PRR36: variants seen among roughly 807,000 people sequenced by gnomAD.
PRR36 encodes the protein proline-rich protein 36.
A neutral mutation model predicts 58.6 loss-of-function variants in PRR36; 30 were observed. The ratio of observed to expected loss-of-function variants is 0.51; its 90% CI spans 0.38 to 0.69. The LOEUF (loss-of-function observed/expected upper bound fraction) is 0.69. Ranked by LOEUF, PRR36 falls within the 30% of genes least tolerant of loss-of-function variation. The pLI is 0.00. For missense variants in PRR36, 1,692 were observed against 1,805.6 expected (o/e 0.94, Z 1.14); for synonymous variants, 771 against 829.3 (o/e 0.93, Z 1.21).
rs1172422185 is a variant in PRR36, at chr19:7,872,069, G to T, written c.1175C>A (p.Thr392Lys). ...SLQTLPSPPATPPSQVPPTQL... is the reference protein window; with the variant it reads ...SLQTLPSPPAKPPSQVPPTQL... The stretch of plus-strand genomic sequence containing the variant: ...TGTGGGTGGAACTTGCGAGGGGGGC[G>T]TGGCTGGTGGAGAGGGGAGGGTCTG... Residue 392 changes from threonine to lysine, a missense_variant, in exon 5 of 6, where the codon ACG (threonine) becomes AAG (lysine). Physicochemically the swap from Thr to Lys is moderately conservative, Grantham distance 78. Around this residue, in one of 5 missense-constraint regions of PRR36, gnomAD observed 975 missense variants for 955.2 expected, o/e 1.02. Transcript: ENST00000618550. This position sits in a 1 kb window ranked among gnomAD's most constrained non-coding sequence, Gnocchi z 6.1. 1 of 1,535,592 alleles carries T rather than the reference G, an allele frequency of 6.5e-7. No individual in the cohort carries two copies. Among genetic ancestry groups the T allele is most frequent in the Admixed American group, 2.0e-5 (1 of 50,956 alleles).
rs977662410 is a variant in PRR36 at position 7,869,079 on chromosome 19, G to A, written c.3995C>T (p.Ser1332Phe). Residue 1332 changes from serine to phenylalanine, a missense_variant, in exon 6 of 6, where the codon TCC becomes TTC. By Grantham distance (155) the Ser-to-Phe change is radical. Coordinates refer to ENST00000618550, the MANE Select transcript of PRR36 (RefSeq NM_001190467.2). ...CACCACGGTCCAGTCACCCTGCGGG[G>A]AGGCCACGTCGTCCGGAGAGAAGCT... is the stretch of plus-strand genomic sequence containing the variant. The part of the protein sequence containing the change: ...VTSFSPDDVA[S>F]PQGDWTVVEV... The A allele has an allele frequency of 3.3e-6, 5 of 1,534,606 alleles. No individual in the cohort carries two copies. The highest frequency in any genetic ancestry group is 4.4e-6 in the Non-Finnish European group (5 of 1,146,342).
At position 7,872,117 on chromosome 19, in the gene PRR36, G is replaced by A. The variant is rs1233499676; in HGVS notation, c.1127C>T (p.Ser376Phe). 6.5e-7 allele frequency: 1 copy of A among 1,526,942 alleles called. No individual in the cohort carries two copies. Among genetic ancestry groups the A allele is most frequent in the Admixed American group, 2.0e-5 (1 of 50,228 alleles). The allele number at this position is 1,526,942 out of a possible 1,614,324, so 94.6% of individuals were successfully genotyped here. A position where few individuals can be genotyped will look rare whatever the true frequency, so the allele number is the denominator to read the frequency against. Reference sequence around the variant, plus strand: ...CTGCAGAGAAGGTGGAGCAGAGGGAGAAGGAGGGGCTAGAGGAAGGGGCGT... The same window carrying A: ...CTGCAGAGAAGGTGGAGCAGAGGGAAAAGGAGGGGCTAGAGGAAGGGGCGT... ...LATPLPLAPPSPSAPPSLQTL... is the reference protein window; with the variant it reads ...LATPLPLAPPFPSAPPSLQTL... The change falls in exon 5 of 6, where the codon TCT becomes TTT. Residue 376 changes from serine (S) to phenylalanine (F), a missense_variant. Coordinates refer to ENST00000618550, the MANE Select transcript of PRR36 (RefSeq NM_001190467.2). The surrounding 1 kb of genome is among the most constrained non-coding windows in gnomAD (Gnocchi z 6.1).
Position 7,872,940 on chromosome 19 carries a change from C to T in PRR36, c.396G>A (p.Lys132=). 1 of 1,536,060 alleles carries T rather than the reference C, an allele frequency of 6.5e-7. No homozygotes were observed. The highest frequency in any genetic ancestry group is 1.4e-5 in the African/African-American group (1 of 73,172). The change falls in exon 4 of 6, where the codon AAG becomes AAA. Residue 132 remains lysine, a synonymous_variant. Transcript: ENST00000618550. The surrounding 1 kb of genome is among the most constrained non-coding windows in gnomAD (Gnocchi z 6.1). ...GTTRPGPLGQ[K]GLRISAEETV... The stretch of plus-strand genomic sequence containing the variant: ...TTTCCTCCGCTGAGATCCGGAGTCC[C>T]TTCTGGCCAAGAGGGCCTGGCCTGG...
rs1008374342 is a variant in PRR36 at position 7,873,952 on chromosome 19, C to G, written c.-7-256G>C. The stretch of plus-strand genomic sequence containing the variant: ...GGCCCTGCCCGCCCCAGCCCACCGC[C>G]TCCCCCGCCTCGGCTCCAATTCAGG... On this transcript the variant is annotated intron_variant, in intron 1 of 5. Coordinates refer to ENST00000618550, the MANE Select transcript of PRR36 (RefSeq NM_001190467.2). This position sits in a 1 kb window ranked among gnomAD's most constrained non-coding sequence, Gnocchi z 5.0. 6.6e-6 allele frequency among the ~76,000 whole-genome samples: 1 copy of G among 152,034 alleles called. No homozygotes were observed. The highest frequency in any genetic ancestry group is 2.4e-5 in the African/African-American group (1 of 41,396).
chr19:7,873,483 A>C lies in PRR36; in HGVS notation c.207T>G (p.Thr69=). ...AERAGGIGGA[T]IPESAPRAGP... Reference sequence around the variant, plus strand: ...CCGCTCGGGGAGCAGACTCGGGAATAGTGGCCCCGCCGATGCCCCCCGCTC... The same window carrying C: ...CCGCTCGGGGAGCAGACTCGGGAATCGTGGCCCCGCCGATGCCCCCCGCTC... Residue 69 remains threonine (T), a synonymous_variant, in exon 2 of 6, where the codon ACT becomes ACG. Transcript: ENST00000618550. The surrounding 1 kb of genome is among the most constrained non-coding windows in gnomAD (Gnocchi z 5.0). 6.5e-7 allele frequency: 1 copy of C among 1,534,996 alleles called. No individual in the cohort carries two copies. The highest frequency in any genetic ancestry group is 8.7e-7 in the Non-Finnish European group (1 of 1,146,760).
Position 7,870,616 on chromosome 19 carries a change from AT to A in PRR36, c.2627del (p.Asn876MetfsTer46). 1 of 1,072,076 alleles carries A rather than the reference AT, an allele frequency of 9.3e-7. No homozygotes were observed. Among genetic ancestry groups the A allele is most frequent in the Non-Finnish European group, 1.1e-6 (1 of 886,758 alleles). 66.4% of individuals were successfully genotyped at this position (1,072,076 alleles called of 1,614,324 possible). On this transcript the variant is annotated frameshift_variant, in exon 5 of 6. Coordinates refer to ENST00000618550, the MANE Select transcript of PRR36 (RefSeq NM_001190467.2). LOFTEE classifies it high-confidence loss of function. ...PLATPSPQAP[N>X]ALAVHLLQAP... ...CCTGCAGAAGGTGCACTGCCAGAGCATTTGGGGCCTGTGGAGAGGGTGTGGC... is the reference window on the plus strand; with the variant it reads ...CCTGCAGAAGGTGCACTGCCAGAGCATTGGGGCCTGTGGAGAGGGTGTGGC...
rs1270226852 is a variant in PRR36 at position 7,870,652 on chromosome 19, CAGAG to C, written c.2588_2591del (p.Pro863ArgfsTer58). The stretch of plus-strand genomic sequence containing the variant: ...GTGGAGAGGGTGTGGCCAAAGGAGA[CAGAG>C]GGGGTGAGGCAGGGGGAGAGGGAGG... On this transcript the variant is annotated frameshift_variant, in exon 5 of 6. Transcript: ENST00000618550. LOFTEE classifies it high-confidence loss of function. 1 of 1,330,312 alleles carries C rather than the reference CAGAG, an allele frequency of 7.5e-7. No homozygotes were observed. Among genetic ancestry groups the C allele is most frequent in the Non-Finnish European group, 9.5e-7 (1 of 1,047,882 alleles). 82.4% of individuals were successfully genotyped at this position (1,330,312 alleles called of 1,614,324 possible).
Position 7,869,496 on chromosome 19 carries a change from C to T in PRR36, c.3578G>A (p.Gly1193Asp), listed in dbSNP as rs1164937456. The T allele has an allele frequency of 1.3e-6, 2 of 1,520,292 alleles. No individual in the cohort carries two copies. The highest frequency in any genetic ancestry group is 2.6e-5 in the East Asian group (1 of 38,304). 94.2% of individuals were successfully genotyped at this position (1,520,292 alleles called of 1,614,324 possible). Residue 1193 changes from glycine (G) to aspartate (D), a missense_variant, in exon 6 of 6, where the codon GGT (glycine) becomes GAT (aspartate). This residue lies in a region of PRR36 where 485 missense variants were observed against 549.2 expected (regional missense o/e 0.88). Coordinates refer to ENST00000618550, the MANE Select transcript of PRR36 (RefSeq NM_001190467.2). ...PPATGPGSAD[G>D]LCTIYETEGP... is the part of the protein sequence containing the mutation. ...TTCAGTCTCGTAGATGGTGCACAGA[C>T]CGTCAGCAGAGCCCGGTCCGGTAGC...
chr19:7,869,962 C>G lies in PRR36; in HGVS notation c.3282G>C (p.Leu1094=). The G allele has an allele frequency of 7.2e-7, 1 of 1,381,366 alleles. No individual in the cohort carries two copies. Among genetic ancestry groups the G allele is most frequent in the South Asian group, 1.6e-5 (1 of 61,978 alleles). 85.6% of individuals were successfully genotyped at this position (1,381,366 alleles called of 1,614,324 possible). ...GPDTSVSGPR[L]TLALAPGPPP... ...GCGGGCCGGGGGCCAACGCCAGGGT[C>G]AGCCGTGGGCCCGAGACGGAGGTAT... Residue 1094 remains leucine, a synonymous_variant, in exon 5 of 6, where the codon CTG becomes CTC. Coordinates refer to ENST00000618550, the MANE Select transcript of PRR36 (RefSeq NM_001190467.2).
rs1246645810 is a variant in PRR36 at position 7,873,546 on chromosome 19, T to A, written c.144A>T (p.Gly48=). 6.5e-7 allele frequency: 1 copy of A among 1,534,424 alleles called. No homozygotes were observed. Among genetic ancestry groups the A allele is most frequent in the Non-Finnish European group, 8.7e-7 (1 of 1,146,622 alleles). The change falls in exon 2 of 6, where the codon GGA becomes GGT. Residue 48 remains glycine, a synonymous_variant. Coordinates refer to ENST00000618550, the MANE Select transcript of PRR36 (RefSeq NM_001190467.2). This position sits in a 1 kb window ranked among gnomAD's most constrained non-coding sequence, Gnocchi z 5.0. ...GCTTTCGCCCCACTGCTCCCGCAGC[T>A]CCCAGAACTCGGAGGGCTGCGGGAG... ...PVTPAALRVL[G]AAGAVGRKPL...
At position 7,871,813 on chromosome 19, in the gene PRR36, C is replaced by A. The variant is rs1475770126; in HGVS notation, c.1431G>T (p.Ser477=). ...PVSPATSLGN[S]AFPLAALPQP... ...GAGGGAGTGCGGCCAGGGGAAAAGCCGAATTCCCCAGAGATGTTGCCGGAG... is the reference window on the plus strand; with the variant it reads ...GAGGGAGTGCGGCCAGGGGAAAAGCAGAATTCCCCAGAGATGTTGCCGGAG... Residue 477 remains serine, a synonymous_variant, in exon 5 of 6, where the codon TCG becomes TCT. Coordinates refer to ENST00000618550, the MANE Select transcript of PRR36 (RefSeq NM_001190467.2). 25 of 1,535,246 alleles carry A rather than the reference C, an allele frequency of 1.6e-5. No homozygotes were observed. Among genetic ancestry groups the A allele is most frequent in the Non-Finnish European group, 2.1e-5 (24 of 1,146,746 alleles).
chr19:7,869,315 C>T lies in PRR36; in HGVS notation c.3759G>A (p.Gln1253=), dbSNP rs1980256442. 1.4e-6 allele frequency: 2 copies of T among 1,430,368 alleles called. No homozygotes were observed. Among genetic ancestry groups the T allele is most frequent in the South Asian group, 2.9e-5 (2 of 69,872 alleles). The allele number at this position is 1,430,368 out of a possible 1,614,324, so 88.6% of individuals were successfully genotyped here. A position where few individuals can be genotyped will look rare whatever the true frequency, so the allele number is the denominator to read the frequency against. The change falls in exon 6 of 6, where the codon CAG becomes CAA. Residue 1253 remains glutamine, a synonymous_variant. Coordinates refer to ENST00000618550, the MANE Select transcript of PRR36 (RefSeq NM_001190467.2). ...RLGELPLGAL[Q]ASVVQHLLSR... is the part of the protein sequence containing the mutation. ...TCAGCAGGTGCTGCACGACGCTCGC[C>T]TGCAGCGCCCCCAGTGGCAGCTCGC...
Position 7,870,926 on chromosome 19 carries a change from GC to G in PRR36, c.2317del (p.Ala773LeufsTer3). 32 of 1,396,868 alleles carry G rather than the reference GC, an allele frequency of 2.3e-5. No individual in the cohort carries two copies. Among genetic ancestry groups the G allele is most frequent in the East Asian group, 7.9e-5 (3 of 38,184 alleles). 86.5% of individuals were successfully genotyped at this position (1,396,868 alleles called of 1,614,324 possible). A position where few individuals can be genotyped will look rare whatever the true frequency, so the allele number is the denominator to read the frequency against. ...CTCCAGATGGGGTGTGGTCAGGGGA[GC>G]AGAAGCTGTCTGCAGAGGAGGCGGG... ...LAPPPLQTAS[A>X]PLTTPHLETP... On this transcript the variant is annotated frameshift_variant, in exon 5 of 6. Coordinates refer to ENST00000618550, the MANE Select transcript of PRR36 (RefSeq NM_001190467.2). LOFTEE classifies it high-confidence loss of function.
rs1980494022 is a variant in PRR36, at chr19:7,872,235, C to T, written c.1009G>A (p.Val337Ile). The T allele has an allele frequency of 1.4e-6, 2 of 1,457,726 alleles. No individual in the cohort carries two copies. The highest frequency in any genetic ancestry group is 2.8e-5 in the African/African-American group (2 of 70,278). The allele number at this position is 1,457,726 out of a possible 1,614,324, so 90.3% of individuals were successfully genotyped here. The change falls in exon 5 of 6, where the codon GTA (valine) becomes ATA (isoleucine). Residue 337 changes from valine to isoleucine, a missense_variant. Val to Ile is a conservative substitution (Grantham distance 29). Transcript: ENST00000618550. The surrounding 1 kb of genome is among the most constrained non-coding windows in gnomAD (Gnocchi z 6.1). ...LPATLPPSPP[V>I]TPPPPAALQS... ...AGAGCGGCTGGCGGAGGGGGCGTTA[C>T]CGGTGGAGAGGGAGGGAGCGTGGCT... is the stretch of plus-strand genomic sequence containing the variant.
In PRR36 at chr19:7,870,645, A is replaced by G; in HGVS notation, c.2599T>C (p.Leu867=). The change falls in exon 5 of 6, where the codon TTG becomes CTG. Residue 867 remains leucine, a synonymous_variant. Coordinates refer to ENST00000618550, the MANE Select transcript of PRR36 (RefSeq NM_001190467.2). ...GGGGCCTGTGGAGAGGGTGTGGCCA[A>G]AGGAGACAGAGGGGGTGAGGCAGGG... ...SPPASPPLSP[L]ATPSPQAPNA... is the part of the protein sequence containing the mutation. 1 of 1,015,266 alleles carries G rather than the reference A, an allele frequency of 9.8e-7. No homozygotes were observed. The allele number at this position is 1,015,266 out of a possible 1,614,324, so 62.9% of individuals were successfully genotyped here.
At position 7,869,511 on chromosome 19, in the gene PRR36, G is replaced by C. The variant is rs1255726465; in HGVS notation, c.3563C>G (p.Pro1188Arg). ...APLPWPPATGPGSADGLCTIY... is the reference protein window; with the variant it reads ...APLPWPPATGRGSADGLCTIY... ...GGTGCACAGACCGTCAGCAGAGCCC[G>C]GTCCGGTAGCGGGAGGCCACGGCAG... The change falls in exon 6 of 6, where the codon CCG (proline) becomes CGG (arginine). Residue 1188 changes from proline (P) to arginine (R), a missense_variant. Physicochemically the swap from Pro to Arg is moderately radical, Grantham distance 103. This residue lies in a region of PRR36 where 485 missense variants were observed against 549.2 expected (regional missense o/e 0.88). Transcript: ENST00000618550. 1 of 1,520,426 alleles carries C rather than the reference G, an allele frequency of 6.6e-7. No individual in the cohort carries two copies. Among genetic ancestry groups the C allele is most frequent in the Non-Finnish European group, 8.8e-7 (1 of 1,140,146 alleles). The allele number at this position is 1,520,426 out of a possible 1,614,324, so 94.2% of individuals were successfully genotyped here. A position where few individuals can be genotyped will look rare whatever the true frequency, so the allele number is the denominator to read the frequency against.
At position 7,871,750 on chromosome 19, in the gene PRR36, C is replaced by T. The variant is rs1047979510; in HGVS notation, c.1494G>A (p.Gln498=). ...GLSALTTPPP[Q]ASPSPSPPSL... ...AGGGCGGAGACGGGGAAGGACTGGC[C>T]TGCGGAGGGGGCGTGGTCAGAGCAG... Residue 498 remains glutamine (Q), a synonymous_variant, in exon 5 of 6, where the codon CAG becomes CAA. Coordinates refer to ENST00000618550, the MANE Select transcript of PRR36 (RefSeq NM_001190467.2). The T allele has an allele frequency of 6.5e-7, 1 of 1,535,392 alleles. No individual in the cohort carries two copies. Among genetic ancestry groups the T allele is most frequent in the East Asian group, 2.5e-5 (1 of 40,812 alleles).
In PRR36 at chr19:7,872,617, C is replaced by T; in HGVS notation, c.627G>A (p.Val209=). ...RPPTEGPRKS[V]SSASEHSTTE... is the part of the protein sequence containing the mutation. Reference sequence around the variant, plus strand: ...TGGTACTGTGCTCCGAGGCGCTGCTCACTGATTTCCGGGGGCCCTCTGTCG... The same window carrying T: ...TGGTACTGTGCTCCGAGGCGCTGCTTACTGATTTCCGGGGGCCCTCTGTCG... The change falls in exon 5 of 6, where the codon GTG becomes GTA. Residue 209 remains valine, a synonymous_variant. Coordinates refer to ENST00000618550, the MANE Select transcript of PRR36 (RefSeq NM_001190467.2). This position sits in a 1 kb window ranked among gnomAD's most constrained non-coding sequence, Gnocchi z 6.1. 6.7e-7 allele frequency: 1 copy of T among 1,501,156 alleles called. No homozygotes were observed. The highest frequency in any genetic ancestry group is 2.5e-5 in the East Asian group (1 of 39,772). 93.0% of individuals were successfully genotyped at this position (1,501,156 alleles called of 1,614,324 possible). A position where few individuals can be genotyped will look rare whatever the true frequency, so the allele number is the denominator to read the frequency against.
Position 7,871,684 on chromosome 19 carries a change from C to A in PRR36, c.1560G>T (p.Leu520=). The A allele has an allele frequency of 6.5e-7, 1 of 1,535,960 alleles. No individual in the cohort carries two copies. The highest frequency in any genetic ancestry group is 8.7e-7 in the Non-Finnish European group (1 of 1,146,840). ...ATGTGGCCAGAAGAGGAGAGTCCTG[C>A]AGAGGAAGAGTGGCCAGAGTGTGGG... ...ATPHTLATLP[L]QDSPLLATLP... The change falls in exon 5 of 6, where the codon CTG becomes CTT. Residue 520 remains leucine (L), a synonymous_variant. Coordinates refer to ENST00000618550, the MANE Select transcript of PRR36 (RefSeq NM_001190467.2).
Sources: allele counts gnomAD v4.1 joint callset (sites outside exome capture counted in the v4.1 genomes callset), GRCh38; gene constraint gnomAD v4.1.1; regional missense constraint gnomAD v4.1.1; non-coding constraint Gnocchi (gnomAD v3.1); transcripts MANE v1.5; gene names NCBI Gene and HGNC (gene_info 2026-07-23, HGNC 2026-07-21).